PDE7A: variants seen among roughly 807,000 people sequenced by gnomAD.
The protein encoded by PDE7A is high affinity 3',5'-cyclic-AMP phosphodiesterase 7A.
In PDE7A, 39 loss-of-function variants were observed where a neutral mutation model predicts 64.3. The observed-to-expected ratio is 0.61, with a 90% CI of 0.47 to 0.79. PDE7A has a LOEUF of 0.79. Among genes scored for constraint, PDE7A ranks in the 30% least tolerant of loss-of-function variants. The pLI is 0.00. For missense variants in PDE7A, 470 were observed against 582.8 expected (o/e 0.81, Z 1.99); for synonymous variants, 203 against 206.8 (o/e 0.98, Z 0.16).
rs751687648 is a variant in PDE7A at position 65,734,752 on chromosome 8, T to C, written c.696+42A>G. ...GTATGTGAAAGTAAATCAAAAGGAATTTTCTTATGATTTTCACCTGAAATC... is the reference window on the plus strand; with the variant it reads ...GTATGTGAAAGTAAATCAAAAGGAACTTTCTTATGATTTTCACCTGAAATC... On this transcript the variant is annotated intron_variant, in intron 7 of 12. Transcript: ENST00000401827. 31 of 1,125,056 alleles carry C rather than the reference T, an allele frequency of 2.8e-5. No individual in the cohort carries two copies. The Admixed American group carries it at 5.5e-4, about 20-fold the overall frequency. 69.7% of individuals were successfully genotyped at this position (1,125,056 alleles called of 1,614,324 possible). A position where few individuals can be genotyped will look rare whatever the true frequency, so the allele number is the denominator to read the frequency against.
At chr8:65,749,204 G>A (rs548067299) in intron 3 of PDE7A, among the ~76,000 whole-genome samples, 33 of 152,310 alleles carry the variant, frequency 2.2e-4, no homozygotes, top group Non-Finnish European at 4.7e-4. Context: ...TTGAACAAAT[G>A]ATGACTTTCA....
At chr8:65,748,849 A>G (rs1003366463) in intron 3 of PDE7A, among the ~76,000 whole-genome samples, 2 of 152,230 alleles carry the variant, frequency 1.3e-5, no homozygotes, top group African/African-American at 4.8e-5. Flanking sequence ...GTTAAATAGT[A>G]GCCATGTCGA....
chr8:65,830,123 A>G (rs1810778408), intron 1 of PDE7A, among the ~76,000 whole-genome samples: 1 of 152,106 alleles, frequency 6.6e-6, no homozygotes. Flanking sequence ...CATTTTCTGA[A>G]ACTTGCTGTC....
intron 1 of PDE7A, among the ~76,000 whole-genome samples, chr8:65,796,986 T>G (rs1359292560): frequency 6.6e-6 from 1 of 152,144 alleles, no homozygotes; most frequent in African/African-American, 2.4e-5. Flanking sequence ...GTACGGTCAA[T>G]AGACACAAGT....
At chr8:65,768,806 T>C (rs996901733) in intron 3 of PDE7A, among the ~76,000 whole-genome samples, 1 of 152,160 alleles carries the variant, frequency 6.6e-6, no homozygotes, top group African/African-American at 2.4e-5. Flanking sequence ...ATATGTATGA[T>C]AAATATTACC....
chr8:65,746,846 T>C (rs1280319739), intron 4 of PDE7A, among the ~76,000 whole-genome samples: 1 of 152,190 alleles, frequency 6.6e-6, no homozygotes, highest in Non-Finnish European at 1.5e-5. Flanking sequence ...TTCTTCACTT[T>C]CATGTAATTG....
At chr8:65,824,806 C>T (rs1019833665) in intron 1 of PDE7A, among the ~76,000 whole-genome samples, 5 of 152,182 alleles carry the variant, frequency 3.3e-5, no homozygotes, top group African/African-American at 1.2e-4. Context: ...ACAGCGCAAA[C>T]ATAACTTTTA....
At chr8:65,817,819 C>A (rs187417992) in intron 1 of PDE7A, among the ~76,000 whole-genome samples, 1 of 147,004 alleles carries the variant, frequency 6.8e-6, no homozygotes, top group East Asian at 2.0e-4. Context: ...GCGGCGCTAT[C>A]TCTGCTCACT....
chr8:65,745,043 C>A (rs1359509931), intron 5 of PDE7A, among the ~76,000 whole-genome samples: 1 of 152,142 alleles, frequency 6.6e-6, no homozygotes, highest in Non-Finnish European at 1.5e-5. Flanking sequence ...GTGCTTTCCC[C>A]CACACTGTTC....
intron 3 of PDE7A, among the ~76,000 whole-genome samples, chr8:65,759,766 T>A (rs1225889132): frequency 6.6e-6 from 1 of 152,140 alleles, no homozygotes; most frequent in Non-Finnish European, 1.5e-5. Flanking sequence ...CCCTCTCTTT[T>A]GCTCAGCCTA....
intron 1 of PDE7A, among the ~76,000 whole-genome samples, chr8:65,798,164 A>ATG (rs1322179950): frequency 6.3e-5 from 9 of 141,902 alleles, no homozygotes; most frequent in Non-Finnish European, 1.2e-4. Context: ...AAATATATAC[A>ATG]TGTGTGTGTG....
rs536641822 is a variant in PDE7A at position 65,716,824 on chromosome 8, A to C, written c.*2466T>G. Among the ~76,000 whole-genome samples, 3 of 152,292 alleles carry C rather than the reference A, an allele frequency of 2.0e-5. No individual in the cohort carries two copies. In the South Asian group the frequency reaches 6.2e-4, roughly 32 times the overall value. On this transcript the variant is annotated 3_prime_UTR_variant, in exon 13 of 13. Coordinates refer to ENST00000401827, the MANE Select transcript of PDE7A (RefSeq NM_001242318.3). ...GTTATCAGACTTTCTGTACACATTA[A>C]ATATAGGCCAAGGTATGGCCATCTC...
chr8:65,764,286 G>A (rs563116636), intron 3 of PDE7A, among the ~76,000 whole-genome samples: 11 of 152,284 alleles, frequency 7.2e-5, no homozygotes, highest in Non-Finnish European at 1.0e-4. Context: ...AGAAATGAAC[G>A]ACTGGGAAGA....
At chr8:65,835,461 G>A (rs749857130) in intron 1 of PDE7A, among the ~76,000 whole-genome samples, 2 of 152,134 alleles carry the variant, frequency 1.3e-5, no homozygotes, top group South Asian at 4.1e-4. Context: ...GACTGTTAAC[G>A]ATCTTAGACA....
chr8:65,752,671 T>C (rs557703865), intron 3 of PDE7A, among the ~76,000 whole-genome samples: 2 of 152,208 alleles, frequency 1.3e-5, no homozygotes. Context: ...GTTCTTTCAA[T>C]ATACAAATTT....
intron 7 of PDE7A, among the ~76,000 whole-genome samples, chr8:65,729,364 C>CTTTTTTTTTTTTTT (rs10540107): frequency 1.2e-5 from 1 of 80,076 alleles, no homozygotes; most frequent in Non-Finnish European, 2.3e-5. Context: ...TTGGTGGTAG[C>CTTTTTTTTTTTTTT]TTTTTTTTTT....
Position 65,734,839 on chromosome 8 carries a change from A to C in PDE7A, c.651T>G (p.Ala217=), listed in dbSNP as rs145987232. ...SQNPYHNAVH[A]ADVTQAMHCY... is the part of the protein sequence containing the mutation. The stretch of plus-strand genomic sequence containing the variant: ...AGTGCATGGCCTGAGTAACATCCGC[A>C]GCGTGGACTGCGTTATGGTAAGGAT... Residue 217 remains alanine (A), a synonymous_variant, in exon 7 of 13, where the codon GCT becomes GCG. Coordinates refer to ENST00000401827, the MANE Select transcript of PDE7A (RefSeq NM_001242318.3). 395 of 1,612,644 alleles carry C rather than the reference A, an allele frequency of 2.4e-4. 1 individual carries two copies. The highest frequency in any genetic ancestry group is 2.1e-3 in the Middle Eastern group (13 of 6,060).
chr8:65,797,028 AT>A (rs1241361733), intron 1 of PDE7A, among the ~76,000 whole-genome samples: 2 of 152,244 alleles, frequency 1.3e-5, no homozygotes, highest in South Asian at 2.1e-4. Context: ...GTATTTCTAT[AT>A]ATTAGTAAAA....
intron 1 of PDE7A, among the ~76,000 whole-genome samples, chr8:65,805,032 T>C (rs1238959039): frequency 6.6e-6 from 1 of 151,804 alleles, no homozygotes; most frequent in African/African-American, 2.4e-5. Context: ...TTGGTAGAGA[T>C]GGACTCTCCC....
Sources: gnomAD v4.1 joint callset for allele counts (sites outside exome capture counted in the v4.1 genomes callset) on GRCh38, gnomAD v4.1.1 for gene constraint, MANE v1.5 for transcripts, NCBI Gene and HGNC (gene_info 2026-07-23, HGNC 2026-07-21) for gene names.